ADGRL3: variants seen among roughly 807,000 people sequenced by gnomAD.
ADGRL3 encodes calcium-independent alpha-latrotoxin receptor 3.
A neutral mutation model predicts 153.5 loss-of-function variants in ADGRL3; 62 were observed. That is an observed-to-expected ratio of 0.40 (90% confidence interval 0.33 to 0.50). The LOEUF is 0.50. Among genes scored for constraint, ADGRL3 ranks in the 20% least tolerant of loss-of-function variants. The probability of loss-of-function intolerance (pLI) is 0.47; values close to 1 mark genes in which losing one functional copy is unlikely to be tolerated. For missense variants in ADGRL3, 1,641 were observed against 1,859.4 expected (o/e 0.88, Z 2.16); for synonymous variants, 710 against 672.5 (o/e 1.06, Z -0.86).
chr4:61,271,320 T>A (rs1388317607), intron 1 of ADGRL3, among the ~76,000 whole-genome samples: 2 of 151,996 alleles, frequency 1.3e-5, no homozygotes, highest in Non-Finnish European at 2.9e-5. Context: ...CATGAGGTTA[T>A]GCATTATAGC....
intron 1 of ADGRL3, among the ~76,000 whole-genome samples, chr4:61,311,829 T>C (rs536072299): frequency 2.6e-5 from 4 of 152,294 alleles, no homozygotes; most frequent in African/African-American, 7.2e-5. Context: ...ATTATACATT[T>C]GTCCAGACCC....
Position 61,892,897 on chromosome 4 carries a change from C to A in ADGRL3, c.1722C>A (p.Ile574=). The change falls in exon 10 of 27, where the codon ATC becomes ATA. Residue 574 remains isoleucine, a synonymous_variant. Coordinates refer to ENST00000683033, the MANE Select transcript of ADGRL3 (RefSeq NM_001387552.1). Reference sequence around the variant, plus strand: ...GTGAGGCTGTGGAAGCCCGAGAAATCATGTGGTTTAAGACTCGTCAAGGAC... The same window carrying A: ...GTGAGGCTGTGGAAGCCCGAGAAATAATGTGGTTTAAGACTCGTCAAGGAC... ...ESCEAVEARE[I]MWFKTRQGQI... is the part of the protein sequence containing the mutation. 1 of 1,586,872 alleles carries A rather than the reference C, an allele frequency of 6.3e-7. No individual in the cohort carries two copies. Among genetic ancestry groups the A allele is most frequent in the Non-Finnish European group, 8.5e-7 (1 of 1,170,428 alleles).
intron 13 of ADGRL3, among the ~76,000 whole-genome samples, chr4:61,918,487 G>C (rs1411127746): frequency 6.6e-6 from 1 of 152,112 alleles, no homozygotes; most frequent in Non-Finnish European, 1.5e-5. Flanking sequence ...AATTCATCAA[G>C]GGGATGAGTG....
chr4:61,758,819 G>C lies in ADGRL3; in HGVS notation c.1399+25265G>C, dbSNP rs534078008. Among the ~76,000 whole-genome samples, 45 of 152,256 alleles carry C rather than the reference G, an allele frequency of 3.0e-4. 1 individual carries two copies. The South Asian group carries it at 8.1e-3, about 27-fold the overall frequency. On this transcript the variant is annotated intron_variant, in intron 8 of 26. Coordinates refer to ENST00000683033, the MANE Select transcript of ADGRL3 (RefSeq NM_001387552.1). Reference sequence around the variant, plus strand: ...GCATGATTTTGCAGTGGCTGGAACCGCTTGTTCCTTTCCATGTTTAGTGCT... The same window carrying C: ...GCATGATTTTGCAGTGGCTGGAACCCCTTGTTCCTTTCCATGTTTAGTGCT...
At chr4:61,328,739 T>C (rs997489716) in intron 1 of ADGRL3, among the ~76,000 whole-genome samples, 1 of 152,132 alleles carries the variant, frequency 6.6e-6, no homozygotes, top group Non-Finnish European at 1.5e-5. Context: ...TAGAATAATA[T>C]ATTAGGGATG....
At chr4:62,008,194 G>A (rs1438734001) in intron 21 of ADGRL3, among the ~76,000 whole-genome samples, 2 of 152,124 alleles carry the variant, frequency 1.3e-5, no homozygotes, top group African/African-American at 4.8e-5. Context: ...GCTGAGAAAT[G>A]TAGTAGTGGA....
At chr4:61,677,209 GA>G in intron 6 of ADGRL3, 1 of 343,044 alleles carries the variant, frequency 2.9e-6, no homozygotes, top group Non-Finnish European at 5.5e-6. Context: ...AAAACATTTA[GA>G]AAAAGGTTGG....
intron 9 of ADGRL3, among the ~76,000 whole-genome samples, chr4:61,843,065 A>C (rs935575204): frequency 1.7e-4 from 26 of 152,142 alleles, no homozygotes; most frequent in African/African-American, 6.3e-4. Flanking sequence ...AAAAGGAGTA[A>C]AGAGCACCAA....
chr4:61,432,796 G>C (rs1202962549), intron 2 of ADGRL3, among the ~76,000 whole-genome samples: 1 of 151,126 alleles, frequency 6.6e-6, no homozygotes, highest in Non-Finnish European at 1.5e-5. Flanking sequence ...TGGGGTTATA[G>C]GCATGAGCCA....
intron 22 of ADGRL3, 53 bp downstream of exon 22, chr4:62,028,934 A>T: frequency 6.6e-7 from 1 of 1,511,318 alleles, no homozygotes; most frequent in Non-Finnish European, 9.1e-7. Flanking sequence ...TGGTCCCATG[A>T]ACCAGCTGTC....
At chr4:61,849,866 A>G (rs1388399188) in intron 9 of ADGRL3, among the ~76,000 whole-genome samples, 1 of 152,146 alleles carries the variant, frequency 6.6e-6, no homozygotes, top group Non-Finnish European at 1.5e-5. Flanking sequence ...TCCAGTAAAC[A>G]TTGCCATGGG....
chr4:61,227,620 G>A (rs1427383819), intron 1 of ADGRL3, among the ~76,000 whole-genome samples: 2 of 152,030 alleles, frequency 1.3e-5, no homozygotes, highest in Non-Finnish European at 2.9e-5. Flanking sequence ...ACTGAGTGTC[G>A]AATTTTATAA....
intron 9 of ADGRL3, among the ~76,000 whole-genome samples, chr4:61,859,660 G>A (rs1440351171): frequency 6.6e-6 from 1 of 152,110 alleles, no homozygotes; most frequent in African/African-American, 2.4e-5. Context: ...AAATTTAAAT[G>A]TAAATAAGTT....
intron 13 of ADGRL3, among the ~76,000 whole-genome samples, chr4:61,921,215 A>G (rs926591530): frequency 6.6e-6 from 1 of 152,094 alleles, no homozygotes; most frequent in Admixed American, 6.6e-5. Flanking sequence ...TTGAATAGCT[A>G]ATATAGACAC....
chr4:61,361,658 A>ATAAAGGCAGC (rs2096283931), intron 1 of ADGRL3, among the ~76,000 whole-genome samples: 2 of 152,216 alleles, frequency 1.3e-5, no homozygotes, highest in Non-Finnish European at 2.9e-5. Flanking sequence ...GTGGCACACA[A>ATAAAGGCAGC]TAAAGGCAGC....
At chr4:61,999,344 A>C (rs571301561) in intron 21 of ADGRL3, among the ~76,000 whole-genome samples, 1 of 152,290 alleles carries the variant, frequency 6.6e-6, no homozygotes, top group Admixed American at 6.5e-5. Flanking sequence ...TTACACAGGC[A>C]AAAAAAGTAG....
intron 8 of ADGRL3, among the ~76,000 whole-genome samples, chr4:61,735,789 A>AGAT (rs2096500912): frequency 6.6e-6 from 1 of 152,012 alleles, no homozygotes; most frequent in Non-Finnish European, 1.5e-5. Flanking sequence ...TTAGAATAAT[A>AGAT]GATAGGTTAA....
rs370520876 is a variant in ADGRL3 at position 62,060,295 on chromosome 4, G to T, written c.3815-7871G>T. On this transcript the variant is annotated intron_variant, in intron 25 of 26. Coordinates refer to ENST00000683033, the MANE Select transcript of ADGRL3 (RefSeq NM_001387552.1). ...ATATGAAGCAAGGAAGAAGAGTGGC[G>T]TGCAATCTCCTTACCTTATTATTTG... Among the ~76,000 whole-genome samples, 76 of 151,974 alleles carry T rather than the reference G, an allele frequency of 5.0e-4. 1 individual carries two copies. Among genetic ancestry groups the T allele is most frequent in the African/African-American group, 1.7e-3 (72 of 41,506 alleles).
chr4:61,382,200 A>G (rs2096677196), intron 1 of ADGRL3, among the ~76,000 whole-genome samples: 1 of 151,746 alleles, frequency 6.6e-6, no homozygotes, highest in Non-Finnish European at 1.5e-5. Context: ...GCATGTATGT[A>G]GTTACTTAAC....
Sources: gnomAD v4.1 joint callset for allele counts (sites outside exome capture counted in the v4.1 genomes callset) on GRCh38, gnomAD v4.1.1 for gene constraint, MANE v1.5 for transcripts, NCBI Gene and HGNC (gene_info 2026-07-23, HGNC 2026-07-21) for gene names.